The following KIAA0408 variants were observed in gnomAD, a reference collection of about 807,000 sequenced individuals.
KIAA0408 encodes the protein uncharacterized protein KIAA0408.
KIAA0408 carries 51 observed loss-of-function variants against 60.9 expected under a neutral mutation model. That is an observed-to-expected ratio of 0.84 (90% CI 0.67 to 1.06). The LOEUF is 1.06. KIAA0408 is among the 50% of genes least tolerant of loss of function. The pLI is 0.00. For missense variants in KIAA0408, 787 were observed against 833.9 expected, an observed-to-expected ratio of 0.94 and a Z score of 0.69; for synonymous variants, 304 against 282.4, an observed-to-expected ratio of 1.08 and a Z score of -0.77.
intron 1 of KIAA0408, among the ~76,000 whole-genome samples, chr6:127,457,852 C>T (rs1773422856): frequency 6.6e-6 from 1 of 152,202 alleles, no homozygotes; most frequent in African/African-American, 2.4e-5. Context: ...CCCTTTCAAC[C>T]TCCAACTCGC....
chr6:127,453,651 C>T (rs6938687), intron 2 of KIAA0408, among the ~76,000 whole-genome samples, 196 bp downstream of exon 2: 6,275 of 152,064 alleles, frequency 0.041, 448 homozygotes, highest in African/African-American at 0.14. Context: ...GCTTAATTTT[C>T]ATGCAATGAT....
intron 5 of KIAA0408, among the ~76,000 whole-genome samples, chr6:127,445,169 G>A (rs1303867886): frequency 1.3e-5 from 2 of 152,050 alleles, no homozygotes; most frequent in African/African-American, 4.8e-5. Flanking sequence ...TTATTTTCTA[G>A]ATTTGTTCCC....
chr6:127,456,550 G>A (rs905818758), intron 1 of KIAA0408, among the ~76,000 whole-genome samples: 16 of 152,122 alleles, frequency 1.1e-4, no homozygotes, highest in Admixed American at 7.9e-4. Context: ...TTAATATGGA[G>A]AAGGACCAAT....
At chr6:127,458,806 T>C (rs1773438725) in intron 1 of KIAA0408, among the ~76,000 whole-genome samples, 1 of 151,354 alleles carries the variant, frequency 6.6e-6, no homozygotes, top group Non-Finnish European at 1.5e-5. Context: ...ATGTTAAAAG[T>C]CTTTATATGA....
intron 2 of KIAA0408, among the ~76,000 whole-genome samples, chr6:127,453,570 C>T (rs1020280901): frequency 9.2e-5 from 14 of 151,992 alleles, no homozygotes; most frequent in African/African-American, 3.4e-4. Flanking sequence ...AAATACATAC[C>T]TCACTTTTGA....
chr6:127,449,089 A>T (rs1163779910), intron 4 of KIAA0408, among the ~76,000 whole-genome samples: 2 of 152,216 alleles, frequency 1.3e-5, no homozygotes, highest in African/African-American at 4.8e-5. Flanking sequence ...TAAGCATTAA[A>T]TATTTTAGTA....
At position 127,439,375 on chromosome 6, in the gene KIAA0408, A is replaced by C. The variant is rs967174891; in HGVS notation, c.*4734T>G. On this transcript the variant is annotated 3_prime_UTR_variant, in exon 6 of 6. Coordinates refer to ENST00000483725, the MANE Select transcript of KIAA0408 (RefSeq NM_014702.5). ...TTGGCTATTTATTGGTTTTACTTCAACATCATGTCCTACATACAAAATTTA... is the reference window on the plus strand; with the variant it reads ...TTGGCTATTTATTGGTTTTACTTCACCATCATGTCCTACATACAAAATTTA... 6.6e-6 allele frequency: 1 copy of C among 152,214 alleles called. No homozygotes were observed. The highest frequency in any genetic ancestry group is 1.5e-5 in the Non-Finnish European group (1 of 68,034). 9.4% of individuals were successfully genotyped at this position (152,214 alleles called of 1,614,324 possible).
chr6:127,451,449 ACTTCTGCGGG>A (rs1408232343), intron 2 of KIAA0408: 1 of 365,904 alleles, frequency 2.7e-6, no homozygotes, highest in East Asian at 8.1e-5. Context: ...TTTGTACTGA[ACTTCTGCGGG>A]CATTATGGTT....
rs746477995 is a variant in KIAA0408, at chr6:127,447,652, G to C, written c.667C>G (p.Leu223Val). The change falls in exon 5 of 6, where the codon CTT becomes GTT. Residue 223 changes from leucine (L) to valine (V), a missense_variant. Transcript: ENST00000483725. Reference sequence around the variant, plus strand: ...TTTTCTTTTTCTAAACTGATTGGAAGAATGCACTGGTCATTGTTGATCATG... The same window carrying C: ...TTTTCTTTTTCTAAACTGATTGGAACAATGCACTGGTCATTGTTGATCATG... ...DPMINNDQCI[L>V]PISLEKEKQK... 3 of 1,611,192 alleles carry C rather than the reference G, an allele frequency of 1.9e-6. No individual in the cohort carries two copies. The Admixed American group carries it at 5.0e-5, about 27-fold the overall frequency.
rs1215591583 is a variant in KIAA0408 at position 127,447,742 on chromosome 6, T to C, written c.579-2A>G. 2 of 1,532,264 alleles carry C rather than the reference T, an allele frequency of 1.3e-6. No homozygotes were observed. The highest frequency in any genetic ancestry group is 1.7e-6 in the Non-Finnish European group (2 of 1,146,658). The allele number at this position is 1,532,264 out of a possible 1,614,324, so 94.9% of individuals were successfully genotyped here. A position where few individuals can be genotyped will look rare whatever the true frequency, so the allele number is the denominator to read the frequency against. ...TGGAGAAAAGAATCTGACTTCATCCTAAACAATGATAAAACATGGTGTATT... is the reference window on the plus strand; with the variant it reads ...TGGAGAAAAGAATCTGACTTCATCCCAAACAATGATAAAACATGGTGTATT... On this transcript the variant is annotated splice_acceptor_variant, in intron 4 of 5. Coordinates refer to ENST00000483725, the MANE Select transcript of KIAA0408 (RefSeq NM_014702.5). LOFTEE classifies it high-confidence loss of function.
At position 127,446,426 on chromosome 6, in the gene KIAA0408, A is replaced by T; in HGVS notation, c.1893T>A (p.Asp631Glu). ...TTCTCACCTCTGTTATCTTTTTCGGATCTATTCCTTGCTTCACTTCCTGTC... is the reference window on the plus strand; with the variant it reads ...TTCTCACCTCTGTTATCTTTTTCGGTTCTATTCCTTGCTTCACTTCCTGTC... Reference protein sequence around the residue: ...WGGQEVKQGIDPKKITEESMS... With the variant: ...WGGQEVKQGIEPKKITEESMS... The change falls in exon 5 of 6, where the codon GAT becomes GAA. Residue 631 changes from aspartate to glutamate, a missense_variant. Transcript: ENST00000483725. 6.2e-7 allele frequency: 1 copy of T among 1,609,512 alleles called. No individual in the cohort carries two copies. The highest frequency in any genetic ancestry group is 1.7e-4 in the Middle Eastern group (1 of 6,042).
At position 127,444,203 on chromosome 6, in the gene KIAA0408, C is replaced by T; in HGVS notation, c.1991G>A (p.Arg664Lys). 1 of 1,613,602 alleles carries T rather than the reference C, an allele frequency of 6.2e-7. No homozygotes were observed. Among genetic ancestry groups the T allele is most frequent in the Non-Finnish European group, 8.5e-7 (1 of 1,179,850 alleles). Residue 664 changes from arginine to lysine, a missense_variant, in exon 6 of 6, where the codon AGA becomes AAA. This residue lies in a region of KIAA0408 where 133 missense variants were observed against 119.2 expected (regional missense o/e 1.12). Coordinates refer to ENST00000483725, the MANE Select transcript of KIAA0408 (RefSeq NM_014702.5). Reference protein sequence around the residue: ...ARPANRRLPSRWASRSPSAPP... With the variant: ...ARPANRRLPSKWASRSPSAPP... ...TGCAGATGGAGATCTGGATGCCCAT[C>T]TGGAGGGGAGACGACGATTTGCTGG...
chr6:127,450,910 A>T (rs1037212471), intron 2 of KIAA0408: 2 of 156,212 alleles, frequency 1.3e-5, no homozygotes, highest in South Asian at 1.9e-4. Context: ...TGAGATTTTT[A>T]AAAAATCTCA....
At chr6:127,450,575 T>A in intron 2 of KIAA0408, 1 of 505,256 alleles carries the variant, frequency 2.0e-6, no homozygotes, top group Admixed American at 4.0e-5. Context: ...ACATGGATGC[T>A]AATTCTTTTG....
Position 127,447,256 on chromosome 6 carries a change from C to A in KIAA0408, c.1063G>T (p.Asp355Tyr), listed in dbSNP as rs144532141. Residue 355 changes from aspartate to tyrosine, a missense_variant, in exon 5 of 6, where the codon GAT becomes TAT. By Grantham distance (160) the Asp-to-Tyr change is radical. Coordinates refer to ENST00000483725, the MANE Select transcript of KIAA0408 (RefSeq NM_014702.5). ...CATGACCACATGCTAAGTCCAACAT[C>A]TTCATTACTTGGAGGCTTGCTATCT... ...KIDSKPPSNE[D>Y]VGLSMWSCDI... 7 of 1,613,854 alleles carry A rather than the reference C, an allele frequency of 4.3e-6. No individual in the cohort carries two copies. In the African/African-American group the frequency reaches 8.0e-5, roughly 18 times the overall value.
At chr6:127,451,314 A>G in intron 2 of KIAA0408, 2 of 455,870 alleles carry the variant, frequency 4.4e-6, no homozygotes, top group South Asian at 3.1e-5. Context: ...ACTAGAGTTG[A>G]TGCCTGAAAA....
intron 2 of KIAA0408, among the ~76,000 whole-genome samples, chr6:127,452,370 C>T (rs1447976405): frequency 6.6e-6 from 1 of 152,024 alleles, no homozygotes; most frequent in Non-Finnish European, 1.5e-5. Context: ...ACATAAACAG[C>T]AGTACAGCTA....
In KIAA0408 at chr6:127,444,289, C is replaced by T. The variant is rs1274013092; in HGVS notation, c.1912-7G>A. ...CGTTCACTGACATGGATTCCTAGGA[C>T]ACAAGTAAAAACATTCCTCTCACTC... On this transcript the variant is annotated splice_polypyrimidine_tract_variant and splice_region_variant and intron_variant, in intron 5 of 5. Coordinates refer to ENST00000483725, the MANE Select transcript of KIAA0408 (RefSeq NM_014702.5). 2 of 1,565,982 alleles carry T rather than the reference C, an allele frequency of 1.3e-6. No homozygotes were observed. Among genetic ancestry groups the T allele is most frequent in the African/African-American group, 2.7e-5 (2 of 73,238 alleles).
In KIAA0408 at chr6:127,443,899, A is replaced by C. The variant is rs1402899689; in HGVS notation, c.*210T>G. The C allele has an allele frequency of 1.9e-6, 1 of 539,924 alleles. No homozygotes were observed. Among genetic ancestry groups the C allele is most frequent in the African/African-American group, 1.9e-5 (1 of 51,756 alleles). The allele number at this position is 539,924 out of a possible 1,614,324, so 33.4% of individuals were successfully genotyped here. On this transcript the variant is annotated 3_prime_UTR_variant, in exon 6 of 6. Transcript: ENST00000483725. ...GTTTCAACTTATATTGTATTGGAAA[A>C]CTAATGAGGATGGCATTAAAAAATT... is the stretch of plus-strand genomic sequence containing the variant.
Sources: allele counts gnomAD v4.1 joint callset (sites outside exome capture counted in the v4.1 genomes callset), GRCh38; gene constraint gnomAD v4.1.1; regional missense constraint gnomAD v4.1.1; transcripts MANE v1.5; gene names NCBI Gene and HGNC (gene_info 2026-07-23, HGNC 2026-07-21).